Variants in PCCA observed in about 807,000 individuals in gnomAD.
The protein encoded by PCCA is propionyl-CoA carboxylase subunit alpha, also known as propionyl-CoA carboxylase alpha chain, mitochondrial.
Under a neutral mutation model 101.3 loss-of-function variants are expected in PCCA, and 74 were observed. The ratio of observed to expected loss-of-function variants is 0.73; its 90% CI spans 0.61 to 0.89. PCCA has a LOEUF of 0.89. Among genes scored for constraint, PCCA ranks in the 40% least tolerant of loss-of-function variants. PCCA has a pLI of 0.00. For missense variants in PCCA, 891 were observed against 907.0 expected (o/e 0.98, Z 0.23); for synonymous variants, 294 against 313.6 (o/e 0.94, Z 0.66).
chr13:100,220,300 C>T (rs9557401), intron 7 of PCCA, among the ~76,000 whole-genome samples: 44,674 of 151,892 alleles, frequency 0.29, 7,571 homozygotes, highest in East Asian at 0.7. Context: ...CTTTCTGTCA[C>T]CCAGGCTGGA....
At chr13:100,121,961 C>T (rs1019002920) in intron 4 of PCCA, among the ~76,000 whole-genome samples, 1 of 152,168 alleles carries the variant, frequency 6.6e-6, no homozygotes, top group Non-Finnish European at 1.5e-5. Flanking sequence ...CAGCATTTCA[C>T]CCTTAAATTT....
intron 6 of PCCA, among the ~76,000 whole-genome samples, chr13:100,174,620 C>A (rs2056057024): frequency 2.0e-5 from 3 of 149,250 alleles, no homozygotes; most frequent in Non-Finnish European, 4.4e-5. Flanking sequence ...CTTAGCTACT[C>A]AGGAGGCTGA....
At chr13:100,098,107 T>C (rs2046942071) in intron 1 of PCCA, among the ~76,000 whole-genome samples, 1 of 151,996 alleles carries the variant, frequency 6.6e-6, no homozygotes, top group African/African-American at 2.4e-5. Flanking sequence ...GGGAAGATCA[T>C]TTAAGCCTAG....
intron 6 of PCCA, among the ~76,000 whole-genome samples, chr13:100,185,044 T>C (rs1207544093): frequency 6.6e-6 from 1 of 152,242 alleles, no homozygotes; most frequent in Non-Finnish European, 1.5e-5. Flanking sequence ...TTACAAATTA[T>C]TGTGGGCACC....
chr13:100,495,193 C>T (rs1318773020), intron 21 of PCCA, among the ~76,000 whole-genome samples: 2 of 152,164 alleles, frequency 1.3e-5, no homozygotes, highest in African/African-American at 4.8e-5. Flanking sequence ...AAGATTAATC[C>T]AGGCTTTCGG....
intron 19 of PCCA, among the ~76,000 whole-genome samples, chr13:100,387,545 T>A (rs2076578948): frequency 6.6e-6 from 1 of 152,194 alleles, no homozygotes; most frequent in Non-Finnish European, 1.5e-5. Flanking sequence ...GATGTACCAA[T>A]GTGACTCCTT....
intron 19 of PCCA, among the ~76,000 whole-genome samples, chr13:100,390,030 C>T (rs2076724154): frequency 1.3e-5 from 2 of 152,132 alleles, no homozygotes; most frequent in Admixed American, 1.3e-4. Flanking sequence ...GCGCTGTGAG[C>T]CTCAGCTGCA....
chr13:100,286,335 C>A (rs896166047), intron 12 of PCCA, among the ~76,000 whole-genome samples: 2 of 152,184 alleles, frequency 1.3e-5, no homozygotes, highest in African/African-American at 4.8e-5. Context: ...CCCTCACGCA[C>A]GTGGCCCCTG....
intron 16 of PCCA, among the ~76,000 whole-genome samples, chr13:100,323,691 TTC>T (rs2068321552): frequency 6.6e-6 from 1 of 152,180 alleles, no homozygotes; most frequent in African/African-American, 2.4e-5. Context: ...GCAGGAAAAC[TTC>T]TGTCTGATGT....
intron 21 of PCCA, among the ~76,000 whole-genome samples, chr13:100,494,438 C>T (rs902916485): frequency 5.3e-5 from 8 of 151,936 alleles, no homozygotes; most frequent in African/African-American, 1.9e-4. Context: ...AATCCCAGCA[C>T]TTTGGGAGGC....
At chr13:100,524,495 A>C (rs569162898) in intron 22 of PCCA, among the ~76,000 whole-genome samples, 228 of 152,028 alleles carry the variant, frequency 1.5e-3, no homozygotes, top group Admixed American at 3.0e-3. Context: ...ACCATCTCTT[A>C]GGGATGAATT....
chr13:100,253,854 ATT>A (rs71114677), intron 8 of PCCA, among the ~76,000 whole-genome samples: 39,218 of 138,272 alleles, frequency 0.28, 6,415 homozygotes, highest in Middle Eastern at 0.43. Flanking sequence ...CTAGAGCCTG[ATT>A]TTTTTTTTTT....
At chr13:100,226,507 G>C (rs1020822006) in intron 7 of PCCA, among the ~76,000 whole-genome samples, 6 of 152,328 alleles carry the variant, frequency 3.9e-5, no homozygotes, top group African/African-American at 1.4e-4. Context: ...TGGGTGTTTA[G>C]CATCTGGGAA....
chr13:100,464,241 G>C (rs2082357050), intron 21 of PCCA, among the ~76,000 whole-genome samples: 1 of 152,172 alleles, frequency 6.6e-6, no homozygotes, highest in Admixed American at 6.5e-5. Context: ...GGGTGGGGGA[G>C]GAATAAGTAG....
chr13:100,219,679 TAATTAGTGAA>T (rs1285183032), intron 7 of PCCA, among the ~76,000 whole-genome samples: 3 of 152,234 alleles, frequency 2.0e-5, no homozygotes, highest in African/African-American at 7.2e-5. Flanking sequence ...TCTCCGCTAA[TAATTAGTGAA>T]AATTCGTCTT....
chr13:100,502,840 G>A (rs796749222), intron 21 of PCCA, among the ~76,000 whole-genome samples: 1 of 152,158 alleles, frequency 6.6e-6, no homozygotes, highest in African/African-American at 2.4e-5. Flanking sequence ...CACGCTGTTG[G>A]GGTTAATTAG....
intron 23 of PCCA, 147 bp from the exon 24 acceptor site, chr13:100,529,950 TG>T (rs951031325): frequency 1.2e-5 from 8 of 684,396 alleles, no homozygotes; most frequent in Admixed American, 2.2e-5. Flanking sequence ...GTCCCTTCGA[TG>T]GGCTCCGGTG....
intron 7 of PCCA, among the ~76,000 whole-genome samples, chr13:100,233,132 G>A (rs2060590737): frequency 6.6e-6 from 1 of 152,188 alleles, no homozygotes; most frequent in Non-Finnish European, 1.5e-5. Context: ...TCTGTAGGAT[G>A]ACTTCCCAGG....
intron 16 of PCCA, among the ~76,000 whole-genome samples, chr13:100,324,900 T>TA (rs1175371500): frequency 3.3e-5 from 5 of 152,314 alleles, no homozygotes; most frequent in East Asian, 1.9e-4. Flanking sequence ...TCATCATGTT[T>TA]AGTGCAAACC....
Sources: gnomAD v4.1 joint callset for allele counts (sites outside exome capture counted in the v4.1 genomes callset) on GRCh38, gnomAD v4.1.1 for gene constraint, MANE v1.5 for transcripts, NCBI Gene and HGNC (gene_info 2026-07-23, HGNC 2026-07-21) for gene names.